RBMS3: variants seen among roughly 807,000 people sequenced by gnomAD.
The protein encoded by RBMS3 is RNA-binding motif, single-stranded-interacting protein 3.
RBMS3 carries 27 observed loss-of-function variants against 66.8 expected under a neutral mutation model. The observed-to-expected ratio is 0.40, with a 90% confidence interval of 0.30 to 0.56. RBMS3 has a LOEUF of 0.56. Among genes scored for constraint, RBMS3 ranks in the 20% least tolerant of loss-of-function variants. The probability of loss-of-function intolerance (pLI) is 0.40; values close to 1 mark genes in which losing one functional copy is unlikely to be tolerated. For synonymous variants in RBMS3, 188 were observed against 183.0 expected (o/e 1.03, Z -0.22); for missense variants, 513 against 549.5 (o/e 0.93, Z 0.66).
In RBMS3 at chr3:29,996,681, C is replaced by T. The variant is rs542527890; in HGVS notation, c.1307+5472C>T. On this transcript the variant is annotated intron_variant, in intron 14 of 14. Transcript: ENST00000383767. ...TCCTGAATGACTACTGGGTACATAA[C>T]GAAATGAAGGCAGAAATAAAGATGT... Among the ~76,000 whole-genome samples the T allele has an allele frequency of 5.3e-3, 804 of 151,914 alleles. 7 individuals are homozygous for T. Among genetic ancestry groups the T allele is most frequent in the African/African-American group, 0.018 (760 of 41,414 alleles).
intron 14 of RBMS3, among the ~76,000 whole-genome samples, chr3:30,001,218 T>C (rs891147962): frequency 1.4e-4 from 21 of 152,068 alleles, no homozygotes; most frequent in African/African-American, 5.1e-4. Context: ...AGAGGGAATA[T>C]ACTGTGACAT....
intron 6 of RBMS3, among the ~76,000 whole-genome samples, chr3:29,794,518 T>G (rs2149432538): frequency 6.6e-6 from 1 of 152,212 alleles, no homozygotes; most frequent in African/African-American, 2.4e-5. Flanking sequence ...CCCGGGAGGC[T>G]GAGCTTACAG....
chr3:29,837,075 G>T (rs1271724071), intron 6 of RBMS3, among the ~76,000 whole-genome samples: 1 of 151,950 alleles, frequency 6.6e-6, no homozygotes, highest in African/African-American at 2.4e-5. Context: ...AAATGGTGCT[G>T]CACTCAAATG....
chr3:29,839,963 T>C (rs1300081747), intron 6 of RBMS3, among the ~76,000 whole-genome samples: 2 of 152,086 alleles, frequency 1.3e-5, no homozygotes, highest in Admixed American at 1.3e-4. Context: ...TACCTATCAC[T>C]ATTGAATATA....
intron 2 of RBMS3, among the ~76,000 whole-genome samples, chr3:29,438,754 T>C (rs1024789511): frequency 1.3e-5 from 2 of 152,190 alleles, no homozygotes; most frequent in Non-Finnish European, 2.9e-5. Context: ...TCAAGAAATA[T>C]TTACAGATTA....
chr3:29,365,389 CAT>C (rs1193299438), intron 1 of RBMS3, among the ~76,000 whole-genome samples: 1 of 151,752 alleles, frequency 6.6e-6, no homozygotes, highest in Non-Finnish European at 1.5e-5. Flanking sequence ...TGGAAAAAAA[CAT>C]TTTTCCATCA....
chr3:29,601,363 G>A (rs1018049621), intron 4 of RBMS3, among the ~76,000 whole-genome samples: 3 of 151,718 alleles, frequency 2.0e-5, no homozygotes, highest in Non-Finnish European at 4.4e-5. Flanking sequence ...TATGAAATTG[G>A]GGGGCCCTCC....
At position 29,739,818 on chromosome 3, in the gene RBMS3, C is replaced by G; in HGVS notation, c.498C>G (p.Val166=). The G allele has an allele frequency of 6.2e-7, 1 of 1,613,240 alleles. No homozygotes were observed. Among genetic ancestry groups the G allele is most frequent in the African/African-American group, 1.3e-5 (1 of 75,004 alleles). Reference sequence around the variant, plus strand: ...ATATGCTGAAACCCTTTGGACATGTCATTTCCACAAGAATACTAAGAGACG... The same window carrying G: ...ATATGCTGAAACCCTTTGGACATGTGATTTCCACAAGAATACTAAGAGACG... ...LENMLKPFGH[V]ISTRILRDAN... is the part of the protein sequence containing the mutation. The change falls in exon 5 of 15, where the codon GTC becomes GTG. Residue 166 remains valine (V), a synonymous_variant. Coordinates refer to ENST00000383767, the MANE Select transcript of RBMS3 (RefSeq NM_001003793.3).
At chr3:29,397,626 A>C (rs1361426149) in intron 1 of RBMS3, among the ~76,000 whole-genome samples, 2 of 152,040 alleles carry the variant, frequency 1.3e-5, no homozygotes. Context: ...TCCCCCTCAC[A>C]TGTCCTTCTT....
chr3:29,604,611 G>A (rs768896343), intron 4 of RBMS3, among the ~76,000 whole-genome samples: 2 of 151,958 alleles, frequency 1.3e-5, no homozygotes, highest in African/African-American at 4.8e-5. Context: ...GACTAAAATA[G>A]ATATCATGCT....
intron 4 of RBMS3, among the ~76,000 whole-genome samples, chr3:29,693,427 C>G (rs1346085229): frequency 6.6e-6 from 1 of 152,004 alleles, no homozygotes; most frequent in African/African-American, 2.4e-5. Flanking sequence ...AATAAACAGC[C>G]CAAGTCATGG....
intron 3 of RBMS3, among the ~76,000 whole-genome samples, chr3:29,497,176 A>AT (rs1454474013): frequency 1.7e-4 from 26 of 151,950 alleles, no homozygotes; most frequent in African/African-American, 6.0e-4. Context: ...TGCCTGGCTA[A>AT]TTTTTTGTAT....
intron 1 of RBMS3, among the ~76,000 whole-genome samples, chr3:29,379,659 C>A (rs2038666889): frequency 6.6e-6 from 1 of 152,178 alleles, no homozygotes; most frequent in Non-Finnish European, 1.5e-5. Context: ...CCACCAGGTC[C>A]CTCCCACAAC....
intron 6 of RBMS3, among the ~76,000 whole-genome samples, chr3:29,778,960 G>T (rs1001643676): frequency 6.6e-6 from 1 of 151,746 alleles, no homozygotes; most frequent in Non-Finnish European, 1.5e-5. Flanking sequence ...ACCAAACTTG[G>T]AGGACCAACC....
intron 6 of RBMS3, among the ~76,000 whole-genome samples, chr3:29,815,364 A>G (rs1173166963): frequency 2.0e-5 from 3 of 152,192 alleles, no homozygotes; most frequent in African/African-American, 4.8e-5. Context: ...ACTTAAAACC[A>G]TAGTTATATC....
chr3:30,010,197 T>TCTGA lies in RBMS3; in HGVS notation c.*6339_*6342dup, dbSNP rs1198580686. ...TTAAGAGCATTTTTGTACTGCTGTCTCTGACTGTCATGGAAAGTTCTGTAA... is the reference window on the plus strand; with the variant it reads ...TTAAGAGCATTTTTGTACTGCTGTCTCTGACTGACTGTCATGGAAAGTTCTGTAA... On this transcript the variant is annotated 3_prime_UTR_variant, in exon 15 of 15. Transcript: ENST00000383767. The TCTGA allele has an allele frequency of 6.6e-6, 1 of 152,200 alleles. No homozygotes were observed. The highest frequency in any genetic ancestry group is 1.9e-4 in the East Asian group (1 of 5,184). 9.4% of individuals were successfully genotyped at this position (152,200 alleles called of 1,614,324 possible).
intron 1 of RBMS3, among the ~76,000 whole-genome samples, chr3:29,364,499 T>A (rs1346431471): frequency 6.6e-6 from 1 of 152,168 alleles, no homozygotes; most frequent in South Asian, 2.1e-4. Flanking sequence ...ACAACCTAAA[T>A]ATATTAATTG....
At chr3:29,384,516 A>G (rs1454719385) in intron 1 of RBMS3, among the ~76,000 whole-genome samples, 2 of 151,988 alleles carry the variant, frequency 1.3e-5, no homozygotes, top group African/African-American at 4.8e-5. Flanking sequence ...TGATTTGAAA[A>G]AGAGTAGTGA....
chr3:29,405,764 T>C (rs1196980793), intron 1 of RBMS3, among the ~76,000 whole-genome samples: 1 of 152,226 alleles, frequency 6.6e-6, no homozygotes, highest in Non-Finnish European at 1.5e-5. Flanking sequence ...GCAGTTATTC[T>C]AAGGTGAGCT....
Sources: allele counts gnomAD v4.1 joint callset (sites outside exome capture counted in the v4.1 genomes callset), GRCh38; gene constraint gnomAD v4.1.1; transcripts MANE v1.5; gene names NCBI Gene and HGNC (gene_info 2026-07-23, HGNC 2026-07-21).